The following CHCHD6 variants were observed in gnomAD, a reference collection of about 807,000 sequenced individuals.
CHCHD6 encodes the protein MICOS complex subunit MIC25.
In CHCHD6, 28 loss-of-function variants were observed where a neutral mutation model predicts 32.3. That is an observed-to-expected ratio of 0.87 (90% CI 0.64 to 1.19). The LOEUF (loss-of-function observed/expected upper bound fraction) is 1.19, where lower values mean the gene tolerates loss of function less well. CHCHD6 is among the 50% of genes most tolerant of loss of function. CHCHD6 has a pLI of 0.00. For missense variants in CHCHD6, 333 were observed against 307.0 expected (o/e 1.08, Z -0.63); for synonymous variants, 122 against 117.5 (o/e 1.04, Z -0.25).
intron 6 of CHCHD6, among the ~76,000 whole-genome samples, chr3:126,936,465 CA>C (rs546713474): frequency 1.3e-5 from 2 of 152,096 alleles, no homozygotes; most frequent in African/African-American, 2.4e-5. Context: ...GACTTAATAC[CA>C]AAAAAAGTAA....
chr3:126,826,927 AG>A (rs1380993663), intron 4 of CHCHD6, among the ~76,000 whole-genome samples: 1 of 152,182 alleles, frequency 6.6e-6, no homozygotes, highest in Non-Finnish European at 1.5e-5. Flanking sequence ...TGTGGGCCTG[AG>A]GGACCAGGGA....
intron 3 of CHCHD6, among the ~76,000 whole-genome samples, chr3:126,732,586 C>T (rs1935860127): frequency 6.6e-6 from 1 of 152,156 alleles, no homozygotes; most frequent in East Asian, 1.9e-4. Flanking sequence ...ATAAATAATA[C>T]TGTTAAGAGC....
chr3:126,784,557 A>G (rs1342047465), intron 4 of CHCHD6, among the ~76,000 whole-genome samples: 1 of 152,194 alleles, frequency 6.6e-6, no homozygotes, highest in African/African-American at 2.4e-5. Context: ...TGTACTCCAC[A>G]CAGAGCTGCC....
At chr3:126,829,194 G>A (rs1209623145) in intron 4 of CHCHD6, among the ~76,000 whole-genome samples, 1 of 152,128 alleles carries the variant, frequency 6.6e-6, no homozygotes, top group Non-Finnish European at 1.5e-5. Context: ...TGATCAGCCA[G>A]AGATTAGGGC....
In CHCHD6 at chr3:126,730,632, T is replaced by C. The variant is rs1935752000; in HGVS notation, c.266+2T>C. 2 of 1,613,342 alleles carry C rather than the reference T, an allele frequency of 1.2e-6. No homozygotes were observed. Among genetic ancestry groups the C allele is most frequent in the Non-Finnish European group, 1.7e-6 (2 of 1,179,560 alleles). ...AGGGATGAAGGAGGGTGTCAAGAGG[T>C]GAGCCCGAGAGCCTGCTTGCTCCCG... is the stretch of plus-strand genomic sequence containing the variant. On this transcript the variant is annotated splice_donor_variant, in intron 3 of 7. Coordinates refer to ENST00000290913, the MANE Select transcript of CHCHD6 (RefSeq NM_032343.3). LOFTEE classifies it high-confidence loss of function.
intron 4 of CHCHD6, among the ~76,000 whole-genome samples, chr3:126,804,564 A>G (rs1576437286): frequency 6.6e-6 from 1 of 152,238 alleles, no homozygotes; most frequent in African/African-American, 2.4e-5. Context: ...AATTGTGGCA[A>G]TAATCAATAG....
chr3:126,881,696 G>T (rs1483935281), intron 5 of CHCHD6, among the ~76,000 whole-genome samples: 1 of 152,184 alleles, frequency 6.6e-6, no homozygotes, highest in Non-Finnish European at 1.5e-5. Flanking sequence ...GTATTGGAAG[G>T]GTGGATGGGG....
chr3:126,836,002 G>A (rs1164068387), intron 4 of CHCHD6, among the ~76,000 whole-genome samples: 1 of 152,218 alleles, frequency 6.6e-6, no homozygotes, highest in Non-Finnish European at 1.5e-5. Flanking sequence ...GCACGGTGTG[G>A]GAAGGGAGAT....
At chr3:126,914,141 T>C (rs1342390395) in intron 5 of CHCHD6, among the ~76,000 whole-genome samples, 2 of 152,232 alleles carry the variant, frequency 1.3e-5, no homozygotes, top group Non-Finnish European at 2.9e-5. Context: ...AACTGAGTTG[T>C]AGTCCTTACA....
intron 4 of CHCHD6, 144 bp from the exon 5 acceptor site, chr3:126,852,503 T>A: frequency 3.2e-6 from 2 of 615,988 alleles, no homozygotes; most frequent in Admixed American, 5.1e-5. Context: ...ATGTGAATGA[T>A]CTGGCATATC....
chr3:126,714,076 C>CAA (rs1157910763), intron 1 of CHCHD6, among the ~76,000 whole-genome samples: 1,702 of 28,792 alleles, frequency 0.059, 164 homozygotes, highest in East Asian at 0.19. Flanking sequence ...GACTGCATCT[C>CAA]AAAAAAAAAA....
intron 5 of CHCHD6, among the ~76,000 whole-genome samples, chr3:126,872,269 G>A (rs980896970): frequency 4.6e-5 from 7 of 152,084 alleles, no homozygotes; most frequent in Admixed American, 4.6e-4. Context: ...GGTACCATGG[G>A]GCCAGCCTAT....
Position 126,829,648 on chromosome 3 carries a change from T to C in CHCHD6, c.412-22999T>C, listed in dbSNP as rs114215202. ...GTAGGATTAGTATCTTTATAGGAATTAGAAAAAACAAGAGTTCTCTTGCTC... is the reference window on the plus strand; with the variant it reads ...GTAGGATTAGTATCTTTATAGGAATCAGAAAAAACAAGAGTTCTCTTGCTC... On this transcript the variant is annotated intron_variant, in intron 4 of 7. Coordinates refer to ENST00000290913, the MANE Select transcript of CHCHD6 (RefSeq NM_032343.3). Among the ~76,000 whole-genome samples the C allele has an allele frequency of 6.8e-3, 1,036 of 151,930 alleles. 12 individuals carry two copies. Among genetic ancestry groups the C allele is most frequent in the African/African-American group, 0.024 (989 of 41,424 alleles).
At chr3:126,906,945 G>T (rs1318404500) in intron 5 of CHCHD6, among the ~76,000 whole-genome samples, 1 of 152,194 alleles carries the variant, frequency 6.6e-6, no homozygotes, top group African/African-American at 2.4e-5. Flanking sequence ...GATGACTGGT[G>T]GGCATCTCTT....
At chr3:126,936,101 A>AG (rs2078477245) in intron 6 of CHCHD6, among the ~76,000 whole-genome samples, 1 of 152,242 alleles carries the variant, frequency 6.6e-6, no homozygotes, top group South Asian at 2.1e-4. Flanking sequence ...GCATCTGGGA[A>AG]GCCAGCTTGT....
chr3:126,776,797 G>C (rs1053604875), intron 4 of CHCHD6, among the ~76,000 whole-genome samples: 24 of 151,694 alleles, frequency 1.6e-4, no homozygotes, highest in African/African-American at 5.8e-4. Context: ...TTTTTTCTTA[G>C]TGGTAATGGA....
chr3:126,720,415 A>G (rs1310281878), intron 1 of CHCHD6, among the ~76,000 whole-genome samples: 1 of 151,948 alleles, frequency 6.6e-6, no homozygotes, highest in Non-Finnish European at 1.5e-5. Context: ...GTGCATTCCC[A>G]CAGGGTCCAC....
chr3:126,865,461 G>A (rs747796747), intron 5 of CHCHD6: 1 of 556,332 alleles, frequency 1.8e-6, no homozygotes, highest in Non-Finnish European at 2.3e-6. Context: ...CATTTCCAGT[G>A]CCTACACTTT....
chr3:126,709,008 A>T (rs1286628610), intron 1 of CHCHD6, among the ~76,000 whole-genome samples: 2 of 152,158 alleles, frequency 1.3e-5, no homozygotes, highest in Admixed American at 1.3e-4. Context: ...AAAATGGTGT[A>T]TTTGCATATA....
Sources: gnomAD v4.1 joint callset for allele counts (sites outside exome capture counted in the v4.1 genomes callset) on GRCh38, gnomAD v4.1.1 for gene constraint, MANE v1.5 for transcripts, NCBI Gene and HGNC (gene_info 2026-07-23, HGNC 2026-07-21) for gene names.